Variants in LRP1B observed in about 807,000 individuals in gnomAD.
LRP1B encodes the protein LDL receptor related protein 1B, also known as low-density lipoprotein receptor-related protein 1B.
A neutral mutation model predicts 556.6 loss-of-function variants in LRP1B; 217 were observed. That is an observed-to-expected ratio of 0.39 (90% CI 0.35 to 0.44). LRP1B has a LOEUF of 0.44. Among genes scored for constraint, LRP1B ranks in the 20% least tolerant of loss-of-function variants. The pLI, the probability that LRP1B is intolerant of heterozygous loss-of-function variation, is 1.00. For missense variants in LRP1B, 5,053 were observed against 5,620.8 expected, an observed-to-expected ratio of 0.90 and a Z score of 3.23; for synonymous variants, 2,047 against 1,865.8, an observed-to-expected ratio of 1.10 and a Z score of -2.50.
At chr2:140,298,329 C>T (rs112540651) in intron 83 of LRP1B, among the ~76,000 whole-genome samples, 2,575 of 151,804 alleles carry the variant, frequency 0.017, 75 homozygotes, top group African/African-American at 0.06. Flanking sequence ...TGTGATAATA[C>T]AGATTATATT....
intron 2 of LRP1B, among the ~76,000 whole-genome samples, chr2:141,493,149 G>T (rs1683395347): frequency 6.6e-6 from 1 of 152,100 alleles, no homozygotes; most frequent in Non-Finnish European, 1.5e-5. Context: ...TGCAGAGGTT[G>T]AATACTTTCT....
At chr2:142,001,073 C>G (rs777417579) in intron 1 of LRP1B, among the ~76,000 whole-genome samples, 1 of 152,118 alleles carries the variant, frequency 6.6e-6, no homozygotes, top group South Asian at 2.1e-4. Flanking sequence ...GGCTCTTGTT[C>G]TCTCTTGCCT....
At chr2:140,819,635 C>G (rs762473740) in intron 31 of LRP1B, among the ~76,000 whole-genome samples, 2 of 151,974 alleles carry the variant, frequency 1.3e-5, no homozygotes, top group African/African-American at 2.4e-5. Context: ...CAAATAAACA[C>G]ATAAAAAGAT....
chr2:140,918,108 G>A (rs1694631438), intron 21 of LRP1B, among the ~76,000 whole-genome samples: 1 of 151,522 alleles, frequency 6.6e-6, no homozygotes, highest in South Asian at 2.1e-4. Flanking sequence ...TGATTTCTTA[G>A]TTAATCCAGA....
chr2:140,495,736 G>A lies in LRP1B; in HGVS notation c.8863C>T (p.Pro2955Ser). ...CCGTCATCCTTCAGTTGGAATCCAG[G>A]CCAGCATTTGCACTGGGAAAAGAAA... is the stretch of plus-strand genomic sequence containing the variant. The part of the protein sequence containing the change: ...LPVSYKCKCW[P>S]GFQLKDDGKT... Residue 2955 changes from proline to serine, a missense_variant, in exon 56 of 91, where the codon CCT (proline) becomes TCT (serine). By Grantham distance (74) the Pro-to-Ser change is moderately conservative. Around this residue, in one of 5 missense-constraint regions of LRP1B, gnomAD observed 3,619 missense variants for 3,931.9 expected, o/e 0.92. Coordinates refer to ENST00000389484, the MANE Select transcript of LRP1B (RefSeq NM_018557.3). 6.2e-7 allele frequency: 1 copy of A among 1,605,354 alleles called. No homozygotes were observed. The highest frequency in any genetic ancestry group is 8.5e-7 in the Non-Finnish European group (1 of 1,172,824).
intron 2 of LRP1B, among the ~76,000 whole-genome samples, chr2:141,795,457 G>A (rs1256987702): frequency 2.6e-5 from 4 of 152,050 alleles, no homozygotes; most frequent in African/African-American, 4.8e-5. Context: ...AGTTAGTGTA[G>A]GGATACACAT....
At chr2:141,381,296 G>A (rs908700440) in intron 3 of LRP1B, among the ~76,000 whole-genome samples, 3 of 151,062 alleles carry the variant, frequency 2.0e-5, no homozygotes, top group African/African-American at 2.4e-5. Flanking sequence ...GAGCAGACTC[G>A]ATCAAGCAGG....
At position 141,020,097 on chromosome 2, in the gene LRP1B, C is replaced by T. The variant is rs1048935217; in HGVS notation, c.1795G>A (p.Asp599Asn). ...TCCACAGCAATGCCCTCTACATTATCCAGATCTATAAAAAAAGCAAAAACA... is the reference window on the plus strand; with the variant it reads ...TCCACAGCAATGCCCTCTACATTATTCAGATCTATAAAAAAAGCAAAAACA... ...ERETILKDDLDNVEGIAVDWI... is the reference protein window; with the variant it reads ...ERETILKDDLNNVEGIAVDWI... Residue 599 changes from aspartate (D) to asparagine (N), a missense_variant, in exon 12 of 91, where the codon GAT (aspartate) becomes AAT (asparagine). By Grantham distance (23) the Asp-to-Asn change is conservative (BLOSUM62 1). Coordinates refer to ENST00000389484, the MANE Select transcript of LRP1B (RefSeq NM_018557.3). The T allele has an allele frequency of 1.1e-5, 16 of 1,516,690 alleles. No homozygotes were observed. The highest frequency in any genetic ancestry group is 2.8e-5 in the African/African-American group (2 of 71,036). The allele number at this position is 1,516,690 out of a possible 1,614,324, so 94.0% of individuals were successfully genotyped here.
intron 2 of LRP1B, among the ~76,000 whole-genome samples, chr2:141,640,916 G>A (rs1689306832): frequency 6.6e-6 from 1 of 152,156 alleles, no homozygotes; most frequent in African/African-American, 2.4e-5. Context: ...CAGAATGAGA[G>A]TGTTTTTGTG....
intron 86 of LRP1B, among the ~76,000 whole-genome samples, chr2:140,249,586 T>C (rs1681315328): frequency 6.6e-6 from 1 of 151,768 alleles, no homozygotes; most frequent in Admixed American, 6.6e-5. Context: ...CAGTTATACA[T>C]CTTAATGTGC....
At chr2:141,121,672 G>A (rs1701052424) in intron 7 of LRP1B, among the ~76,000 whole-genome samples, 1 of 152,064 alleles carries the variant, frequency 6.6e-6, no homozygotes, top group African/African-American at 2.4e-5. Flanking sequence ...TGGCCATACT[G>A]CCCAAGGTAA....
intron 2 of LRP1B, among the ~76,000 whole-genome samples, chr2:141,511,419 G>A (rs1300963354): frequency 6.6e-6 from 1 of 152,082 alleles, no homozygotes; most frequent in Non-Finnish European, 1.5e-5. Flanking sequence ...TTAGATTCAT[G>A]TTTGAAATCA....
chr2:142,005,292 A>G lies in LRP1B; in HGVS notation c.82+125356T>C, dbSNP rs1357729561. 5.9e-5 allele frequency among the ~76,000 whole-genome samples: 9 copies of G among 152,140 alleles called. No individual in the cohort carries two copies. The East Asian group carries it at 1.4e-3, about 23-fold the overall frequency. ...CGGAAAATTGTGTTTTTCAAATTAT[A>G]TAGGAAGCTAACAAGCCCTTGGAAA... is the stretch of plus-strand genomic sequence containing the variant. On this transcript the variant is annotated intron_variant, in intron 1 of 90. Coordinates refer to ENST00000389484, the MANE Select transcript of LRP1B (RefSeq NM_018557.3).
At chr2:141,335,804 T>C (rs114278827) in intron 3 of LRP1B, among the ~76,000 whole-genome samples, 1 of 152,138 alleles carries the variant, frequency 6.6e-6, no homozygotes, top group East Asian at 1.9e-4. Context: ...AAAAGAGAGA[T>C]AAACATGCGT....
intron 2 of LRP1B, among the ~76,000 whole-genome samples, chr2:141,542,245 G>A (rs1269813662): frequency 6.6e-6 from 1 of 151,762 alleles, no homozygotes; most frequent in Non-Finnish European, 1.5e-5. Flanking sequence ...ACTAATACCA[G>A]CTTTCTAACT....
chr2:141,698,960 G>A (rs1198835166), intron 2 of LRP1B, among the ~76,000 whole-genome samples: 2 of 151,778 alleles, frequency 1.3e-5, no homozygotes, highest in Admixed American at 6.6e-5. Context: ...TGAGAAACAT[G>A]GAATTGGAGG....
At chr2:141,553,520 A>G (rs1685830654) in intron 2 of LRP1B, among the ~76,000 whole-genome samples, 1 of 151,378 alleles carries the variant, frequency 6.6e-6, no homozygotes, top group Admixed American at 6.7e-5. Flanking sequence ...CATAAACAGG[A>G]CAGTATAGTT....
At chr2:141,012,195 G>A (rs1525590) in intron 14 of LRP1B, among the ~76,000 whole-genome samples, 73,841 of 151,802 alleles carry the variant, frequency 0.49, 19,399 homozygotes, top group Non-Finnish European at 0.58. Flanking sequence ...TAAAGCAACT[G>A]GAAGCTTAAA....
intron 58 of LRP1B, 58 bp from the exon 59 acceptor site, chr2:140,485,582 A>G: frequency 8.0e-7 from 1 of 1,248,382 alleles, no homozygotes; most frequent in South Asian, 1.5e-5. Context: ...AGAAGTGAGC[A>G]ATTGCTTCTT....
Sources: allele counts gnomAD v4.1 joint callset (sites outside exome capture counted in the v4.1 genomes callset), GRCh38; gene constraint gnomAD v4.1.1; regional missense constraint gnomAD v4.1.1; transcripts MANE v1.5; gene names NCBI Gene and HGNC (gene_info 2026-07-23, HGNC 2026-07-21).